Variants in BBX observed in about 807,000 individuals in gnomAD.
BBX encodes HMG box transcription factor BBX.
In BBX, 30 loss-of-function variants were observed where a neutral mutation model predicts 100.2. The ratio of observed to expected loss-of-function variants is 0.30; its 90% confidence interval spans 0.22 to 0.41. The LOEUF (loss-of-function observed/expected upper bound fraction) is 0.41, where lower values mean the gene tolerates loss of function less well. Among genes scored for constraint, BBX ranks in the 10% least tolerant of loss-of-function variants. The probability of loss-of-function intolerance (pLI) is 1.00; values close to 1 mark genes in which losing one functional copy is unlikely to be tolerated. For synonymous variants in BBX, 376 were observed against 388.1 expected (o/e 0.97, Z 0.37); for missense variants, 1,023 against 1,129.8 (o/e 0.91, Z 1.35).
chr3:107,707,686 G>A (rs779781140), intron 3 of BBX, among the ~76,000 whole-genome samples: 4 of 152,178 alleles, frequency 2.6e-5, no homozygotes, highest in Admixed American at 6.5e-5. Flanking sequence ...TGTGAGCTAC[G>A]TGGGAAGAAT....
intron 9 of BBX, among the ~76,000 whole-genome samples, chr3:107,750,178 T>C (rs1257032908): frequency 6.6e-6 from 1 of 152,172 alleles, no homozygotes; most frequent in African/African-American, 2.4e-5. Context: ...AACTTCTTAC[T>C]TGGAGGAGAG....
In BBX at chr3:107,716,740, G is replaced by A. The variant is rs151079480; in HGVS notation, c.296G>A (p.Arg99His). The change falls in exon 5 of 18, where the codon CGT becomes CAT. Residue 99 changes from arginine to histidine, a missense_variant. Physicochemically the swap from Arg to His is conservative, Grantham distance 29 (BLOSUM62 0). Around this residue, in one of 9 missense-constraint regions of BBX, gnomAD observed 229 missense variants for 226.3 expected, o/e 1.01. Transcript: ENST00000325805. ...LFCKRHRSLV[R>H]QEHPRLDNRG... ...TGCAAACGCCATCGCTCTCTTGTAC[G>A]TCAGGAACACCCCAGGCTTGATAAC... 442 of 1,613,808 alleles carry A rather than the reference G, an allele frequency of 2.7e-4. No homozygotes were observed. Among genetic ancestry groups the A allele is most frequent in the Non-Finnish European group, 3.3e-4 (388 of 1,179,788 alleles).
intron 2 of BBX, among the ~76,000 whole-genome samples, chr3:107,612,650 G>C (rs569949667): frequency 2.6e-5 from 4 of 152,182 alleles, no homozygotes; most frequent in Non-Finnish European, 4.4e-5. Context: ...GCTGACACAA[G>C]CACCCCTGTG....
intron 3 of BBX, among the ~76,000 whole-genome samples, chr3:107,651,689 A>G (rs952292368): frequency 6.6e-6 from 1 of 152,142 alleles, no homozygotes; most frequent in South Asian, 2.1e-4. Flanking sequence ...AAGATTGTGT[A>G]TTTGAAATAA....
intron 7 of BBX, among the ~76,000 whole-genome samples, chr3:107,740,634 AC>A (rs2064017760): frequency 6.6e-6 from 1 of 151,640 alleles, no homozygotes; most frequent in South Asian, 2.1e-4. Flanking sequence ...CTCCCACTAT[AC>A]TCCAATGCAT....
intron 2 of BBX, among the ~76,000 whole-genome samples, chr3:107,596,549 G>C (rs2053679952): frequency 6.6e-6 from 1 of 152,148 alleles, no homozygotes; most frequent in Non-Finnish European, 1.5e-5. Flanking sequence ...ATTGAACCCA[G>C]CTCATGAGAT....
intron 3 of BBX, among the ~76,000 whole-genome samples, chr3:107,687,624 C>CA (rs1307005188): frequency 1.3e-5 from 2 of 152,118 alleles, no homozygotes; most frequent in Non-Finnish European, 2.9e-5. Context: ...ACCGGCCTGA[C>CA]ATTGGATCTA....
At chr3:107,739,616 A>G (rs11719879) in intron 7 of BBX, among the ~76,000 whole-genome samples, 22,006 of 152,270 alleles carry the variant, frequency 0.14, 1,982 homozygotes, top group Middle Eastern at 0.32. Context: ...GGGCTCTCAG[A>G]GATGAAGGCA....
rs2071040489 is a variant in BBX, at chr3:107,805,949, A to T, written c.*492A>T. On this transcript the variant is annotated 3_prime_UTR_variant, in exon 18 of 18. Coordinates refer to ENST00000325805, the MANE Select transcript of BBX (RefSeq NM_001142568.3). The stretch of plus-strand genomic sequence containing the variant: ...TTAAGTTTAAGATGGTTTATATAAT[A>T]GGTTATACCTACATTTATATTGTAG... The T allele has an allele frequency of 6.4e-6, 1 of 155,168 alleles. No individual in the cohort carries two copies. Among genetic ancestry groups the T allele is most frequent in the Non-Finnish European group, 1.4e-5 (1 of 69,882 alleles). The allele number at this position is 155,168 out of a possible 1,614,324, so 9.6% of individuals were successfully genotyped here.
chr3:107,658,534 GC>G, intron 3 of BBX, among the ~76,000 whole-genome samples: 1 of 152,066 alleles, frequency 6.6e-6, no homozygotes, highest in East Asian at 1.9e-4. Context: ...CCTTTAGAAA[GC>G]CCTTTGGAGT....
intron 15 of BBX, among the ~76,000 whole-genome samples, chr3:107,793,297 A>T (rs2069247027): frequency 6.6e-6 from 1 of 152,178 alleles, no homozygotes; most frequent in Non-Finnish European, 1.5e-5. Flanking sequence ...GCAGAAATAT[A>T]GTTATAATTG....
intron 2 of BBX, among the ~76,000 whole-genome samples, chr3:107,605,919 G>C (rs2054401798): frequency 6.6e-6 from 1 of 152,094 alleles, no homozygotes; most frequent in Non-Finnish European, 1.5e-5. Flanking sequence ...TTGTCCCCAA[G>C]CTTTGCTGTT....
intron 15 of BBX, among the ~76,000 whole-genome samples, chr3:107,795,248 A>G (rs1004388671): frequency 9.9e-5 from 15 of 152,168 alleles, no homozygotes; most frequent in South Asian, 8.3e-4. Context: ...TGCTTTGCCA[A>G]TGTCGTTGGA....
At chr3:107,803,055 T>A (rs2070697828) in intron 17 of BBX, among the ~76,000 whole-genome samples, 1 of 152,220 alleles carries the variant, frequency 6.6e-6, no homozygotes, top group Non-Finnish European at 1.5e-5. Flanking sequence ...GTGGTTTTAT[T>A]CTCTATGTTA....
intron 2 of BBX, among the ~76,000 whole-genome samples, chr3:107,606,990 T>G (rs2054495707): frequency 6.6e-6 from 1 of 152,220 alleles, no homozygotes; most frequent in Non-Finnish European, 1.5e-5. Flanking sequence ...GTTGTCTTAA[T>G]TTTTAGCTTC....
chr3:107,607,024 T>A (rs1294141317), intron 2 of BBX, among the ~76,000 whole-genome samples: 3 of 152,192 alleles, frequency 2.0e-5, no homozygotes, highest in Non-Finnish European at 4.4e-5. Flanking sequence ...AAACATATGA[T>A]GTTTGTCTTT....
At chr3:107,779,016 TATATACAC>T (rs2067585752) in intron 13 of BBX, among the ~76,000 whole-genome samples, 2 of 72,408 alleles carry the variant, frequency 2.8e-5, no homozygotes, top group African/African-American at 8.5e-5. Context: ...TATATATATA[TATATACAC>T]ACACACACAC....
chr3:107,711,252 T>C (rs1169885399), intron 4 of BBX: 1 of 463,128 alleles, frequency 2.2e-6, no homozygotes, highest in African/African-American at 2.0e-5. Context: ...GCTGTATACT[T>C]ATTTATGTCT....
intron 3 of BBX, among the ~76,000 whole-genome samples, chr3:107,708,741 T>G (rs1476537218): frequency 6.6e-6 from 1 of 152,184 alleles, no homozygotes; most frequent in Middle Eastern, 3.2e-3. Context: ...AATGATTTTA[T>G]TAAAATGAGT....
Sources: gnomAD v4.1 joint callset for allele counts (sites outside exome capture counted in the v4.1 genomes callset) on GRCh38, gnomAD v4.1.1 for gene constraint, gnomAD v4.1.1 regional missense constraint, MANE v1.5 for transcripts, NCBI Gene and HGNC (gene_info 2026-07-23, HGNC 2026-07-21) for gene names.